The following CALN1 variants were observed in gnomAD, a reference collection of about 807,000 sequenced individuals.
The protein encoded by CALN1 is calcium-binding protein 8.
In CALN1, 17 loss-of-function variants were observed where a neutral mutation model predicts 30.6. The observed-to-expected ratio is 0.56, with a 90% CI of 0.38 to 0.83. CALN1 has a LOEUF of 0.83. Among genes scored for constraint, CALN1 ranks in the 40% least tolerant of loss-of-function variants. The probability of loss-of-function intolerance (pLI) is 0.00; values close to 1 mark genes in which losing one functional copy is unlikely to be tolerated. For synonymous variants in CALN1, 156 were observed against 131.4 expected, an observed-to-expected ratio of 1.19 and a Z score of -1.28; for missense variants, 291 against 354.9, an observed-to-expected ratio of 0.82 and a Z score of 1.45.
At chr7:72,270,311 C>A in intron 3 of CALN1, among the ~76,000 whole-genome samples, 1 of 151,830 alleles carries the variant, frequency 6.6e-6, no homozygotes, top group South Asian at 2.1e-4. Flanking sequence ...CAATGCAAGA[C>A]CCTGCCTCAA....
chr7:72,302,341 C>T (rs565104444), intron 2 of CALN1, among the ~76,000 whole-genome samples: 5 of 152,214 alleles, frequency 3.3e-5, no homozygotes, highest in African/African-American at 9.6e-5. Flanking sequence ...GAGGAAGGAA[C>T]GGACAACGTT....
chr7:72,436,897 C>A (rs558630954), intron 1 of CALN1, among the ~76,000 whole-genome samples: 1 of 152,172 alleles, frequency 6.6e-6, no homozygotes, highest in African/African-American at 2.4e-5. Flanking sequence ...ACAGCGAGGG[C>A]TCGTCTCTGC....
At chr7:71,800,081 T>A (rs905127072) in intron 6 of CALN1, among the ~76,000 whole-genome samples, 1 of 152,170 alleles carries the variant, frequency 6.6e-6, no homozygotes, top group Non-Finnish European at 1.5e-5. Flanking sequence ...ATGGGGCAGG[T>A]CTCTCCATCC....
rs1050138967 is a variant in CALN1 at position 72,337,255 on chromosome 7, C to G, written c.120-58445G>C. The stretch of plus-strand genomic sequence containing the variant: ...CCACACTCCTCGCTCTGCCGGCGCC[C>G]GCGTTCAGGAGCCGGGCTTCTGGGC... On this transcript the variant is annotated intron_variant, in intron 2 of 6. Coordinates refer to ENST00000395275, the MANE Select transcript of CALN1 (RefSeq NM_031468.4). 5 of 985,022 alleles carry G rather than the reference C, an allele frequency of 5.1e-6. 1 individual carries two copies. The African/African-American group carries it at 8.7e-5, about 17-fold the overall frequency. 61.0% of individuals were successfully genotyped at this position (985,022 alleles called of 1,614,324 possible).
chr7:72,367,227 C>T (rs1302227729), intron 2 of CALN1, among the ~76,000 whole-genome samples: 1 of 152,132 alleles, frequency 6.6e-6, no homozygotes, highest in Non-Finnish European at 1.5e-5. Flanking sequence ...GGGGTCACAC[C>T]TGTAATCCAA....
At chr7:71,843,883 T>TA (rs762995466) in intron 5 of CALN1, among the ~76,000 whole-genome samples, 5 of 152,158 alleles carry the variant, frequency 3.3e-5, no homozygotes, top group Non-Finnish European at 7.4e-5. Flanking sequence ...CAGATGGCGT[T>TA]AGAGATTCTA....
intron 3 of CALN1, among the ~76,000 whole-genome samples, chr7:72,203,979 CTTTTTTTTTTTTTTT>C (rs869149598): frequency 1.1e-4 from 9 of 83,778 alleles, no homozygotes; most frequent in South Asian, 4.7e-4. Flanking sequence ...AGGCCTCTCT[CTTTTTTTTTTTTTTT>C]TTTTTTTTTT....
chr7:72,356,981 T>G (rs955676727), intron 2 of CALN1, among the ~76,000 whole-genome samples: 1 of 151,948 alleles, frequency 6.6e-6, no homozygotes, highest in Admixed American at 6.6e-5. Context: ...GTTTTGTTTT[T>G]AATTCAGGGC....
intron 3 of CALN1, among the ~76,000 whole-genome samples, chr7:72,263,405 TA>T (rs1219640814): frequency 1.3e-5 from 2 of 152,146 alleles, no homozygotes; most frequent in African/African-American, 2.4e-5. Context: ...TTTTTTATTT[TA>T]TTTTTTTTAA....
intron 3 of CALN1, among the ~76,000 whole-genome samples, chr7:72,244,310 T>C (rs1359652070): frequency 6.6e-6 from 1 of 152,192 alleles, no homozygotes; most frequent in Middle Eastern, 3.2e-3. Context: ...TCTGATTATT[T>C]CAGAATTCTG....
intron 3 of CALN1, among the ~76,000 whole-genome samples, chr7:72,183,582 T>C (rs913272913): frequency 2.0e-5 from 3 of 152,140 alleles, no homozygotes; most frequent in African/African-American, 4.8e-5. Context: ...AAACAGGAAG[T>C]CGCTGAAATG....
chr7:72,205,962 T>C (rs1791849030), intron 3 of CALN1, among the ~76,000 whole-genome samples: 1 of 152,174 alleles, frequency 6.6e-6, no homozygotes, highest in East Asian at 1.9e-4. Flanking sequence ...TGCCATATAC[T>C]AGCCAAATAA....
At chr7:72,349,888 G>A (rs142067125) in intron 2 of CALN1, among the ~76,000 whole-genome samples, 73 of 152,228 alleles carry the variant, frequency 4.8e-4, no homozygotes, top group Admixed American at 9.2e-4. Context: ...TCTGTTGGTT[G>A]TCTGTTTACT....
At chr7:72,178,336 A>G (rs1347046316) in intron 3 of CALN1, among the ~76,000 whole-genome samples, 1 of 144,446 alleles carries the variant, frequency 6.9e-6, no homozygotes, top group Non-Finnish European at 1.5e-5. Context: ...AAAAGGCTGC[A>G]CTTGTGCAAG....
intron 4 of CALN1, among the ~76,000 whole-genome samples, chr7:72,092,414 G>A (rs6953054): frequency 0.25 from 38,036 of 151,532 alleles, 5,017 homozygotes; most frequent in Middle Eastern, 0.29. Context: ...CTCTTTTTAA[G>A]GGTACAAAAT....
chr7:71,881,461 C>T (rs531359592), intron 5 of CALN1, among the ~76,000 whole-genome samples: 1 of 152,216 alleles, frequency 6.6e-6, no homozygotes. Flanking sequence ...CCAGTCCTGG[C>T]ACCTTCTCAT....
intron 5 of CALN1, among the ~76,000 whole-genome samples, chr7:71,905,400 T>A (rs1794078821): frequency 6.6e-6 from 1 of 150,646 alleles, no homozygotes; most frequent in African/African-American, 2.4e-5. Flanking sequence ...TTTTTTTATC[T>A]CTATCCCCCC....
the CALN1 span, among the ~76,000 whole-genome samples, chr7:72,459,857 A>G: frequency 6.6e-6 from 1 of 152,300 alleles, no homozygotes; most frequent in Admixed American, 6.5e-5. Flanking sequence ...TCTCCAACCT[A>G]CAGCCTTCTC....
chr7:72,142,969 A>C (rs1810065865), intron 3 of CALN1, among the ~76,000 whole-genome samples: 1 of 152,218 alleles, frequency 6.6e-6, no homozygotes, highest in South Asian at 2.1e-4. Context: ...CCAAAACCCT[A>C]TCTGTACGTC....
Sources: allele counts gnomAD v4.1 joint callset (sites outside exome capture counted in the v4.1 genomes callset), GRCh38; gene constraint gnomAD v4.1.1; transcripts MANE v1.5; gene names NCBI Gene and HGNC (gene_info 2026-07-23, HGNC 2026-07-21).